Variants in TOMM20 observed in about 807,000 individuals in gnomAD.
TOMM20 encodes the protein translocase of outer mitochondrial membrane 20, also known as mitochondrial import receptor subunit TOM20 homolog.
Under a neutral mutation model 22.1 loss-of-function variants are expected in TOMM20, and 10 were observed. The ratio of observed to expected loss-of-function variants is 0.45; its 90% CI spans 0.28 to 0.77. The LOEUF is 0.77. Ranked by LOEUF, TOMM20 falls within the 30% of genes least tolerant of loss-of-function variation. The pLI, the probability that TOMM20 is intolerant of heterozygous loss-of-function variation, is 0.13. For missense variants in TOMM20, 121 were observed against 172.2 expected (o/e 0.70, Z 1.66); for synonymous variants, 55 against 61.4 (o/e 0.90, Z 0.49).
intron 1 of TOMM20, 52 bp downstream of exon 1, chr1:235,128,543 G>A (rs950643646): frequency 1.1e-5 from 18 of 1,610,342 alleles, no homozygotes; most frequent in African/African-American, 2.7e-5. Context: ...CTCCTGTGAA[G>A]GGCGGCGGCC....
chr1:235,120,500 G>A (rs182155149), intron 2 of TOMM20, among the ~76,000 whole-genome samples: 1 of 151,988 alleles, frequency 6.6e-6, no homozygotes, highest in East Asian at 2.0e-4. Flanking sequence ...CCTGACCTCA[G>A]ATGATCCACC....
intron 2 of TOMM20, 93 bp from the exon 3 acceptor site, chr1:235,119,992 C>G (rs1249624924): frequency 1.1e-5 from 8 of 716,562 alleles, no homozygotes; most frequent in Admixed American, 3.4e-5. Context: ...AACAAAAAAC[C>G]AAATCACTCA....
chr1:235,123,241 CT>C (rs1558130121), intron 1 of TOMM20, among the ~76,000 whole-genome samples: 4 of 152,194 alleles, frequency 2.6e-5, no homozygotes, highest in Non-Finnish European at 5.9e-5. Flanking sequence ...AATCCCAGCA[CT>C]TTAGGAGGCT....
At chr1:235,120,972 C>T (rs915924381) in intron 2 of TOMM20, among the ~76,000 whole-genome samples, 6 of 151,550 alleles carry the variant, frequency 4.0e-5, no homozygotes, top group East Asian at 1.9e-4. Context: ...GAGTCCAAGG[C>T]GGGCAGATCA....
chr1:235,123,599 C>T (rs749999768), intron 1 of TOMM20, among the ~76,000 whole-genome samples: 3 of 152,320 alleles, frequency 2.0e-5, no homozygotes, highest in African/African-American at 4.8e-5. Context: ...GATACCCACT[C>T]GTCTCCCATA....
chr1:235,113,474 T>C (rs1458343896), intron 4 of TOMM20, among the ~76,000 whole-genome samples: 2 of 152,236 alleles, frequency 1.3e-5, no homozygotes, highest in Admixed American at 1.3e-4. Flanking sequence ...GAAAGCTACT[T>C]GTAGAAAGTA....
chr1:235,115,241 A>G (rs1015306237), intron 3 of TOMM20, among the ~76,000 whole-genome samples: 4 of 152,228 alleles, frequency 2.6e-5, no homozygotes, highest in Non-Finnish European at 5.9e-5. Flanking sequence ...CTATGCTATT[A>G]AATATTTTAA....
intron 1 of TOMM20, among the ~76,000 whole-genome samples, chr1:235,125,967 AG>A (rs1423649862): frequency 6.0e-5 from 9 of 150,882 alleles, no homozygotes; most frequent in Admixed American, 6.6e-5. Flanking sequence ...CATGTTGACC[AG>A]GCTGGTCTCG....
chr1:235,127,909 G>A, intron 1 of TOMM20: 1 of 519,048 alleles, frequency 1.9e-6, no homozygotes, highest in Admixed American at 1.9e-5. Flanking sequence ...CACTTAGAAC[G>A]AAGCTACCAA....
chr1:235,123,471 C>T (rs1481076136), intron 1 of TOMM20, among the ~76,000 whole-genome samples: 1 of 152,088 alleles, frequency 6.6e-6, no homozygotes, highest in African/African-American at 2.4e-5. Flanking sequence ...GGCAACAGAG[C>T]GACACTCTGT....
Position 235,122,525 on chromosome 1 carries a change from C to T in TOMM20, c.122-153G>A, listed in dbSNP as rs944107177. 1.1e-5 allele frequency: 7 copies of T among 625,466 alleles called. No individual in the cohort carries two copies. In the South Asian group the frequency reaches 2.0e-4, roughly 18 times the overall value. 38.7% of individuals were successfully genotyped at this position (625,466 alleles called of 1,614,324 possible). On this transcript the variant is annotated intron_variant, in intron 1 of 4. Transcript: ENST00000366607. Reference sequence around the variant, plus strand: ...CCTGTGATCTGTCAAGAGCATATGACATGTTCTGGTCAATGAGCTGTAGGA... The same window carrying T: ...CCTGTGATCTGTCAAGAGCATATGATATGTTCTGGTCAATGAGCTGTAGGA...
intron 3 of TOMM20, among the ~76,000 whole-genome samples, chr1:235,114,593 A>T (rs776669518): frequency 6.6e-6 from 1 of 151,250 alleles, no homozygotes; most frequent in Non-Finnish European, 1.5e-5. Flanking sequence ...GCCCACCACC[A>T]CGCCCGGCTA....
intron 2 of TOMM20, among the ~76,000 whole-genome samples, chr1:235,120,994 G>C (rs1660921885): frequency 6.6e-6 from 1 of 152,034 alleles, no homozygotes; most frequent in South Asian, 2.1e-4. Context: ...AAGGTCAAGA[G>C]ATCGAGGCCA....
At chr1:235,124,688 G>A (rs577854135) in intron 1 of TOMM20, among the ~76,000 whole-genome samples, 15 of 152,174 alleles carry the variant, frequency 9.9e-5, no homozygotes, top group Non-Finnish European at 2.2e-4. Context: ...TTAATAAGGT[G>A]GGGAGGAGTG....
Position 235,111,965 on chromosome 1 carries a change from A to G in TOMM20, c.*99T>C. 2.2e-6 allele frequency: 2 copies of G among 907,160 alleles called. No individual in the cohort carries two copies. The highest frequency in any genetic ancestry group is 1.4e-5 in the South Asian group (1 of 69,412). The allele number at this position is 907,160 out of a possible 1,614,324, so 56.2% of individuals were successfully genotyped here. On this transcript the variant is annotated 3_prime_UTR_variant, in exon 5 of 5. Coordinates refer to ENST00000366607, the MANE Select transcript of TOMM20 (RefSeq NM_014765.3). ...ACTTTGGTAGATTTCAGTGTAGTTC[A>G]TAACAAGCATATTTGCCCTTATTCC... is the stretch of plus-strand genomic sequence containing the variant.
chr1:235,111,860 A>C lies in TOMM20; in HGVS notation c.*204T>G. Reference sequence around the variant, plus strand: ...TAACTCATAGTGTATTTATAGAATGAAAAGTTCTCTATCAAAATACACTTT... The same window carrying C: ...TAACTCATAGTGTATTTATAGAATGCAAAGTTCTCTATCAAAATACACTTT... On this transcript the variant is annotated 3_prime_UTR_variant, in exon 5 of 5. Coordinates refer to ENST00000366607, the MANE Select transcript of TOMM20 (RefSeq NM_014765.3). 1.8e-6 allele frequency: 1 copy of C among 553,668 alleles called. No individual in the cohort carries two copies. Among genetic ancestry groups the C allele is most frequent in the Non-Finnish European group, 3.2e-6 (1 of 311,906 alleles). 34.3% of individuals were successfully genotyped at this position (553,668 alleles called of 1,614,324 possible).
intron 3 of TOMM20, among the ~76,000 whole-genome samples, chr1:235,117,096 C>G (rs553332028): frequency 1.5e-5 from 2 of 134,028 alleles, no homozygotes; most frequent in East Asian, 2.3e-4. Flanking sequence ...GATCGCGCCA[C>G]TGCACTCCAG....
At position 235,122,375 on chromosome 1, in the gene TOMM20, G is replaced by A; in HGVS notation, c.122-3C>T. ...GGCAAGCTTCTGTTTCTTTCTTCCT[G>A]CAAGAAATGCAAAGTTATATTTACA... On this transcript the variant is annotated splice_polypyrimidine_tract_variant and splice_region_variant and intron_variant, in intron 1 of 4. Coordinates refer to ENST00000366607, the MANE Select transcript of TOMM20 (RefSeq NM_014765.3). The A allele has an allele frequency of 6.4e-7, 1 of 1,572,850 alleles. No individual in the cohort carries two copies. The highest frequency in any genetic ancestry group is 1.9e-5 in the Admixed American group (1 of 53,636).
At position 235,110,640 on chromosome 1, in the gene TOMM20, C is replaced by T. The variant is rs1438294742; in HGVS notation, c.*1424G>A. 2.0e-5 allele frequency: 3 copies of T among 152,116 alleles called. No individual in the cohort carries two copies. The highest frequency in any genetic ancestry group is 2.9e-5 in the Non-Finnish European group (2 of 68,020). The allele number at this position is 152,116 out of a possible 1,614,324, so 9.4% of individuals were successfully genotyped here. On this transcript the variant is annotated 3_prime_UTR_variant, in exon 5 of 5. Transcript: ENST00000366607. Reference sequence around the variant, plus strand: ...ATTTGTTCAAGGCTGTGCGGCTAATCAGAGGCAGAAACTAGACCTATTTCT... The same window carrying T: ...ATTTGTTCAAGGCTGTGCGGCTAATTAGAGGCAGAAACTAGACCTATTTCT...
Sources: allele counts gnomAD v4.1 joint callset (sites outside exome capture counted in the v4.1 genomes callset), GRCh38; gene constraint gnomAD v4.1.1; transcripts MANE v1.5; gene names NCBI Gene and HGNC (gene_info 2026-07-23, HGNC 2026-07-21).